The following ALK variants were observed in gnomAD, a reference collection of about 807,000 sequenced individuals.
ALK encodes the protein ALK receptor tyrosine kinase.
A neutral mutation model predicts 163.1 loss-of-function variants in ALK; 74 were observed. The observed-to-expected ratio is 0.45, with a 90% confidence interval of 0.38 to 0.55. ALK has a LOEUF of 0.55. Ranked by LOEUF, ALK falls within the 20% of genes least tolerant of loss-of-function variation. The pLI is 0.00. For missense variants in ALK, 2,063 were observed against 2,105.3 expected (o/e 0.98, Z 0.39); for synonymous variants, 960 against 843.2 (o/e 1.14, Z -2.40).
chr2:29,483,377 A>T (rs1671708513), intron 4 of ALK, among the ~76,000 whole-genome samples: 1 of 152,192 alleles, frequency 6.6e-6, no homozygotes, highest in Non-Finnish European at 1.5e-5. Context: ...AGCTAATTCC[A>T]GTGTATGTCT....
intron 4 of ALK, among the ~76,000 whole-genome samples, chr2:29,438,661 C>CTGGG (rs1670462363): frequency 1.3e-5 from 2 of 152,180 alleles, no homozygotes; most frequent in Non-Finnish European, 1.5e-5. Flanking sequence ...TCCCACCTGA[C>CTGGG]CTTCAGAGGG....
At chr2:29,884,460 T>C (rs1198152385) in intron 1 of ALK, among the ~76,000 whole-genome samples, 1 of 151,994 alleles carries the variant, frequency 6.6e-6, no homozygotes, top group East Asian at 1.9e-4. Flanking sequence ...ATAAAGACCA[T>C]TGTAAAAAAA....
In ALK at chr2:29,677,613, T is replaced by C. The variant is rs1350090115; in HGVS notation, c.952+17237A>G. On this transcript the variant is annotated intron_variant, in intron 3 of 28. Coordinates refer to ENST00000389048, the MANE Select transcript of ALK (RefSeq NM_004304.5). ...TGATTTTGGGATATTAAACCAACCT[T>C]GCAATCCTAAATAAATTCCACTTGG... Among the ~76,000 whole-genome samples, 3 of 152,048 alleles carry C rather than the reference T, an allele frequency of 2.0e-5. No individual in the cohort carries two copies. In the East Asian group the frequency reaches 5.8e-4, roughly 29 times the overall value.
chr2:29,396,836 GTTTTTTTTTTTT>G (rs10654058), intron 4 of ALK, among the ~76,000 whole-genome samples: 1 of 46,604 alleles, frequency 2.1e-5, no homozygotes, highest in African/African-American at 9.3e-5. Flanking sequence ...TGTTACTATG[GTTTTTTTTTTTT>G]TTTTTTTTTT....
chr2:29,695,664 C>G (rs1308753122), intron 2 of ALK, among the ~76,000 whole-genome samples: 1 of 151,936 alleles, frequency 6.6e-6, no homozygotes, highest in Non-Finnish European at 1.5e-5. Context: ...AACAAATTTA[C>G]CAGAAAAAAA....
At position 29,226,910 on chromosome 2, in the gene ALK, C is replaced by T. The variant is rs2148178242; in HGVS notation, c.3067+12G>A. The T allele has an allele frequency of 6.2e-7, 1 of 1,614,086 alleles. No homozygotes were observed. Among genetic ancestry groups the T allele is most frequent in the Non-Finnish European group, 8.5e-7 (1 of 1,180,040 alleles). On this transcript the variant is annotated intron_variant, in intron 18 of 28. Transcript: ENST00000389048. ...ATGGGCCCCTCTGCCTCCCCTGGCC[C>T]TGCCCCCTTACCAATGCAGGAGACG... is the stretch of plus-strand genomic sequence containing the variant.
chr2:29,422,842 C>A (rs1217016994), intron 4 of ALK, among the ~76,000 whole-genome samples: 4 of 151,818 alleles, frequency 2.6e-5, no homozygotes, highest in Admixed American at 2.0e-4. Flanking sequence ...AAAGCTTTTT[C>A]AGGAACTGCT....
chr2:29,591,401 C>A (rs1156605074), intron 3 of ALK, among the ~76,000 whole-genome samples: 1 of 152,100 alleles, frequency 6.6e-6, no homozygotes, highest in Non-Finnish European at 1.5e-5. Flanking sequence ...GCAGCCACAG[C>A]CAGGATGGTA....
chr2:29,920,865 C>T lies in ALK; in HGVS notation c.-206G>A, dbSNP rs1667981573. 1 of 593,288 alleles carries T rather than the reference C, an allele frequency of 1.7e-6. No homozygotes were observed. The highest frequency in any genetic ancestry group is 3.0e-6 in the Non-Finnish European group (1 of 334,634). 36.8% of individuals were successfully genotyped at this position (593,288 alleles called of 1,614,324 possible). On this transcript the variant is annotated 5_prime_UTR_variant, in exon 1 of 29. Coordinates refer to ENST00000389048, the MANE Select transcript of ALK (RefSeq NM_004304.5). ...AGTCTAAATGAAACAGACCTGGAAG[C>T]TCAGGGGCGAGTCCAGAGACACTCA...
At chr2:29,296,155 T>C (rs1407393103) in intron 9 of ALK, among the ~76,000 whole-genome samples, 1 of 152,200 alleles carries the variant, frequency 6.6e-6, no homozygotes, top group Non-Finnish European at 1.5e-5. Context: ...ACCTCTCAGC[T>C]TAAAGGTGAG....
chr2:29,480,634 C>A (rs1413614610), intron 4 of ALK, among the ~76,000 whole-genome samples: 2 of 151,972 alleles, frequency 1.3e-5, no homozygotes, highest in Non-Finnish European at 1.5e-5. Context: ...TCTGCCCACT[C>A]ACTTCACACA....
At chr2:29,776,743 G>A (rs1226289104) in intron 1 of ALK, among the ~76,000 whole-genome samples, 2 of 152,154 alleles carry the variant, frequency 1.3e-5, no homozygotes, top group African/African-American at 4.8e-5. Context: ...TCTGCAGTAA[G>A]CTATGATTGT....
chr2:29,825,562 G>A (rs752939662), intron 1 of ALK, among the ~76,000 whole-genome samples: 2 of 152,204 alleles, frequency 1.3e-5, no homozygotes, highest in Non-Finnish European at 2.9e-5. Context: ...GGCAGGTGAA[G>A]CTGGAGAGTA....
chr2:29,872,370 G>A (rs1322410527), intron 1 of ALK, among the ~76,000 whole-genome samples: 2 of 152,162 alleles, frequency 1.3e-5, no homozygotes, highest in African/African-American at 2.4e-5. Context: ...AGATACAGAC[G>A]TTCCTCAGCT....
At chr2:29,617,233 C>A (rs1406445005) in intron 3 of ALK, among the ~76,000 whole-genome samples, 1 of 152,222 alleles carries the variant, frequency 6.6e-6, no homozygotes, top group Non-Finnish European at 1.5e-5. Flanking sequence ...CAGCCCCCCA[C>A]TTCTTGTCTG....
chr2:29,875,807 C>T (rs1238879129), intron 1 of ALK, among the ~76,000 whole-genome samples: 3 of 152,226 alleles, frequency 2.0e-5, no homozygotes, highest in African/African-American at 4.8e-5. Context: ...GTATGTGCCA[C>T]ATTTTCTTTA....
At chr2:29,824,036 G>T (rs1173117575) in intron 1 of ALK, among the ~76,000 whole-genome samples, 4 of 152,136 alleles carry the variant, frequency 2.6e-5, no homozygotes, top group African/African-American at 7.2e-5. Flanking sequence ...TGCAGTCTAG[G>T]GACTTGGTGC....
At chr2:29,532,260 T>A (rs1034081247) in intron 3 of ALK, 144 bp from the exon 4 acceptor site, 1 of 794,948 alleles carries the variant, frequency 1.3e-6, no homozygotes, top group Non-Finnish European at 2.1e-6. Flanking sequence ...CCCAGCCTTC[T>A]TCCTCCATTC....
At chr2:29,303,200 C>G (rs1666417665) in intron 8 of ALK, among the ~76,000 whole-genome samples, 1 of 152,008 alleles carries the variant, frequency 6.6e-6, no homozygotes. Context: ...AAAAATAACA[C>G]CTTTGCCCTT....
Sources: gnomAD v4.1 joint callset for allele counts (sites outside exome capture counted in the v4.1 genomes callset) on GRCh38, gnomAD v4.1.1 for gene constraint, MANE v1.5 for transcripts, NCBI Gene and HGNC (gene_info 2026-07-23, HGNC 2026-07-21) for gene names.